ELP4: variants seen among roughly 807,000 people sequenced by gnomAD.
ELP4 encodes elongator complex protein 4.
A neutral mutation model predicts 48.9 loss-of-function variants in ELP4; 51 were observed. That is an observed-to-expected ratio of 1.04 (90% CI 0.83 to 1.32). ELP4 has a LOEUF of 1.32. Among genes scored for constraint, ELP4 ranks in the 40% most tolerant of loss-of-function variants. The pLI is 0.00. For missense variants in ELP4, 519 were observed against 514.6 expected, an observed-to-expected ratio of 1.01 and a Z score of -0.08; for synonymous variants, 210 against 189.2, an observed-to-expected ratio of 1.11 and a Z score of -0.90.
rs1592342803 is a variant in ELP4 at position 31,789,385 on chromosome 11, A to G, written c.*5861A>G. 3.0e-6 allele frequency: 1 copy of G among 329,630 alleles called. No individual in the cohort carries two copies. Among genetic ancestry groups the G allele is most frequent in the Non-Finnish European group, 5.5e-6 (1 of 182,838 alleles). 20.4% of individuals were successfully genotyped at this position (329,630 alleles called of 1,614,324 possible). On this transcript the variant is annotated 3_prime_UTR_variant, in exon 10 of 10. Transcript: ENST00000640961. ...TGCACATAAACTTCATCTGTTAACA[A>G]CCTTTGGAAAACCAACAGATATTTC...
intron 3 of ELP4, among the ~76,000 whole-genome samples, chr11:31,543,086 A>G (rs951894300): frequency 2.6e-5 from 4 of 152,322 alleles, no homozygotes; most frequent in Admixed American, 2.6e-4. Flanking sequence ...ATTTAAAATT[A>G]TACAAGATGA....
At chr11:31,611,164 C>T (rs1203235618) in intron 5 of ELP4, among the ~76,000 whole-genome samples, 1 of 152,138 alleles carries the variant, frequency 6.6e-6, no homozygotes, top group Non-Finnish European at 1.5e-5. Context: ...ACTTTTTCAA[C>T]ATAGTACTGT....
At chr11:31,542,641 CA>C (rs1331617903) in intron 3 of ELP4, among the ~76,000 whole-genome samples, 13 of 152,162 alleles carry the variant, frequency 8.5e-5, no homozygotes, top group Non-Finnish European at 5.9e-5. Context: ...GGCTTAAAAA[CA>C]AGGCCTGAAG....
At chr11:31,722,667 C>T (rs1037692842) in intron 9 of ELP4, among the ~76,000 whole-genome samples, 19 of 10,074 alleles carry the variant, frequency 1.9e-3, no homozygotes, top group Non-Finnish European at 5.1e-3. Context: ...GGTGTCTCTT[C>T]TCTCTCTCTC....
chr11:31,663,833 G>A (rs947984937), intron 9 of ELP4: 2 of 151,886 alleles, frequency 1.3e-5, no homozygotes, highest in African/African-American at 4.8e-5. Context: ...TGGCATTTTG[G>A]TTAGGAAATT....
intron 9 of ELP4, among the ~76,000 whole-genome samples, chr11:31,764,980 G>A (rs897389420): frequency 1.3e-5 from 2 of 152,016 alleles, no homozygotes; most frequent in Non-Finnish European, 2.9e-5. Context: ...AGGCTGCTTG[G>A]CCTCCTGATG....
intron 5 of ELP4, among the ~76,000 whole-genome samples, chr11:31,623,420 A>G (rs1043001113): frequency 3.8e-4 from 53 of 138,708 alleles, no homozygotes; most frequent in African/African-American, 1.4e-3. Context: ...GCAAAGAAAC[A>G]TGGAGATTAA....
intron 9 of ELP4, among the ~76,000 whole-genome samples, chr11:31,753,427 T>A (rs1381721643): frequency 6.6e-6 from 1 of 152,188 alleles, no homozygotes; most frequent in Non-Finnish European, 1.5e-5. Flanking sequence ...CAAATTAAAA[T>A]AACAACTATC....
At chr11:31,515,832 T>C (rs539850219) in intron 1 of ELP4, among the ~76,000 whole-genome samples, 39 of 152,294 alleles carry the variant, frequency 2.6e-4, no homozygotes, top group Admixed American at 2.5e-3. Context: ...TACTTCTGGC[T>C]GGGCGCAGTG....
At chr11:31,717,635 T>G (rs548659822) in intron 9 of ELP4, among the ~76,000 whole-genome samples, 8 of 152,086 alleles carry the variant, frequency 5.3e-5, no homozygotes, top group Admixed American at 3.9e-4. Flanking sequence ...ACGCCTGTAG[T>G]CTCAGCTACT....
intron 2 of ELP4, among the ~76,000 whole-genome samples, chr11:31,535,132 G>T (rs1039465714): frequency 6.6e-6 from 1 of 152,084 alleles, no homozygotes; most frequent in Non-Finnish European, 1.5e-5. Flanking sequence ...TAATGTTAAA[G>T]AACTAGCTAT....
At chr11:31,704,740 GGTGGCTCATGCCTGTA>G (rs1946594926) in intron 9 of ELP4, among the ~76,000 whole-genome samples, 1 of 152,082 alleles carries the variant, frequency 6.6e-6, no homozygotes, top group Non-Finnish European at 1.5e-5. Context: ...GATCAGGCTT[GGTGGCTCATGCCTGTA>G]ATCCAGCATT....
At chr11:31,599,526 A>AC (rs1565073766) in intron 4 of ELP4, 1 of 13,546 alleles carries the variant, frequency 7.4e-5, no homozygotes, top group Non-Finnish European at 5.5e-4. Context: ...CACACACAAA[A>AC]AAAAAAAACC....
chr11:31,743,171 G>A (rs950312243), intron 9 of ELP4, among the ~76,000 whole-genome samples: 4 of 152,122 alleles, frequency 2.6e-5, no homozygotes, highest in African/African-American at 9.7e-5. Context: ...TAATGGTAAA[G>A]GGATCAATTC....
chr11:31,548,066 A>G (rs1267278015), intron 3 of ELP4, among the ~76,000 whole-genome samples: 4 of 152,208 alleles, frequency 2.6e-5, no homozygotes, highest in African/African-American at 4.8e-5. Context: ...ATTCCCTTTG[A>G]AAACGGGCAC....
At chr11:31,740,328 A>G (rs1947416933) in intron 9 of ELP4, among the ~76,000 whole-genome samples, 1 of 152,232 alleles carries the variant, frequency 6.6e-6, no homozygotes, top group Non-Finnish European at 1.5e-5. Context: ...GAATTTTGAT[A>G]TATTTAAGAA....
chr11:31,677,345 A>G (rs948001765), intron 9 of ELP4, among the ~76,000 whole-genome samples: 6 of 152,220 alleles, frequency 3.9e-5, no homozygotes, highest in East Asian at 1.9e-4. Flanking sequence ...GCCAACTTCA[A>G]TTAAATGGGA....
At chr11:31,514,855 TTTAAG>T (rs1956078079) in intron 1 of ELP4, among the ~76,000 whole-genome samples, 2 of 152,032 alleles carry the variant, frequency 1.3e-5, no homozygotes, top group South Asian at 4.1e-4. Context: ...CATTCAAACT[TTTAAG>T]TTAAAATACA....
intron 9 of ELP4, among the ~76,000 whole-genome samples, chr11:31,747,033 C>CTG (rs34776621): frequency 0.014 from 2,109 of 150,042 alleles, 14 homozygotes; most frequent in Non-Finnish European, 0.02. Context: ...CAGACTAACA[C>CTG]TGTGTGTGTG....
Sources: gnomAD v4.1 joint callset for allele counts (sites outside exome capture counted in the v4.1 genomes callset) on GRCh38, gnomAD v4.1.1 for gene constraint, MANE v1.5 for transcripts, NCBI Gene and HGNC (gene_info 2026-07-23, HGNC 2026-07-21) for gene names.